The following KIRREL3 variants were observed in gnomAD, a reference collection of about 807,000 sequenced individuals.
KIRREL3 encodes kin of IRRE-like protein 3.
In KIRREL3, 36 loss-of-function variants were observed where a neutral mutation model predicts 89.7. The observed-to-expected ratio is 0.40, with a 90% confidence interval of 0.31 to 0.53. The LOEUF is 0.53. KIRREL3 is among the 20% of genes least tolerant of loss of function. The pLI, the probability that KIRREL3 is intolerant of heterozygous loss-of-function variation, is 0.49. For synonymous variants in KIRREL3, 445 were observed against 441.4 expected (o/e 1.01, Z -0.10); for missense variants, 864 against 1,056.6 (o/e 0.82, Z 2.53).
In KIRREL3 at chr11:126,817,288, T is replaced by C. The variant is rs1565322813; in HGVS notation, c.55+183167A>G. On this transcript the variant is annotated intron_variant, in intron 1 of 16. Coordinates refer to ENST00000525144, the MANE Select transcript of KIRREL3 (RefSeq NM_032531.4). This position sits in a 1 kb window ranked among gnomAD's most constrained non-coding sequence, Gnocchi z 5.7. ...AAAAGGAAGGAAATGAGGATTTGCC[T>C]GAGTCAGAATGAGTTTCCAAGGAAA... 6.6e-6 allele frequency among the ~76,000 whole-genome samples: 1 copy of C among 152,156 alleles called. No homozygotes were observed. The highest frequency in any genetic ancestry group is 6.5e-5 in the Admixed American group (1 of 15,280).
intron 2 of KIRREL3, among the ~76,000 whole-genome samples, chr11:126,533,060 G>A (rs377612484): frequency 6.6e-6 from 1 of 152,164 alleles, no homozygotes; most frequent in Admixed American, 6.5e-5. Flanking sequence ...TCGTGCCTCA[G>A]CCTTCCAAAG....
chr11:126,827,772 G>T (rs1447658327), intron 1 of KIRREL3, among the ~76,000 whole-genome samples: 1 of 152,142 alleles, frequency 6.6e-6, no homozygotes, highest in Admixed American at 6.5e-5. Context: ...GGGGTTCCAG[G>T]TATGGGAAGG....
chr11:126,537,620 G>A lies in KIRREL3; in HGVS notation c.134-10933C>T, dbSNP rs2134479049. 6.6e-6 allele frequency among the ~76,000 whole-genome samples: 1 copy of A among 152,320 alleles called. No homozygotes were observed. The highest frequency in any genetic ancestry group is 1.9e-4 in the East Asian group (1 of 5,188). On this transcript the variant is annotated intron_variant, in intron 2 of 16. Transcript: ENST00000525144. This position sits in a 1 kb window ranked among gnomAD's most constrained non-coding sequence, Gnocchi z 4.3. ...TCCTGGACAGTAGGAAGAACACAGGGTCAGTCAGCCCTAGGAAGGAACTCT... is the reference window on the plus strand; with the variant it reads ...TCCTGGACAGTAGGAAGAACACAGGATCAGTCAGCCCTAGGAAGGAACTCT...
Position 126,425,081 on chromosome 11 carries a change from G to A in KIRREL3, c.1894-58C>T, listed in dbSNP as rs529188844. 20 of 1,423,322 alleles carry A rather than the reference G, an allele frequency of 1.4e-5. No homozygotes were observed. The African/African-American group carries it at 2.4e-4, about 17-fold the overall frequency. 88.2% of individuals were successfully genotyped at this position (1,423,322 alleles called of 1,614,324 possible). On this transcript the variant is annotated intron_variant, in intron 16 of 16. Transcript: ENST00000525144. Reference sequence around the variant, plus strand: ...GGTGGAGTCTCCACTGAGCGTGGCTGGGGTTTCCAGGCTGAGCCCGTCCCC... The same window carrying A: ...GGTGGAGTCTCCACTGAGCGTGGCTAGGGTTTCCAGGCTGAGCCCGTCCCC...
chr11:126,500,024 C>T (rs1011456048), intron 4 of KIRREL3, among the ~76,000 whole-genome samples: 15 of 152,132 alleles, frequency 9.9e-5, no homozygotes, highest in African/African-American at 2.4e-4. Flanking sequence ...GAAGGATAAA[C>T]GAGTGAATGT....
chr11:126,572,401 A>G (rs975388750), intron 1 of KIRREL3, among the ~76,000 whole-genome samples: 2 of 152,240 alleles, frequency 1.3e-5, no homozygotes, highest in East Asian at 1.9e-4. Flanking sequence ...GGCTCAGGGA[A>G]GCCAAGCAAT....
rs1353944759 is a variant in KIRREL3, at chr11:126,489,918, T to C, written c.434-16452A>G. On this transcript the variant is annotated intron_variant, in intron 4 of 16. Transcript: ENST00000525144. The surrounding 1 kb of genome is among the most constrained non-coding windows in gnomAD (Gnocchi z 5.5). ...CAGTCCGGGTTAAAATACGTGGGTC[T>C]CAGCTCAGATCTCCATCCCTGGCAC... is the stretch of plus-strand genomic sequence containing the variant. Among the ~76,000 whole-genome samples the C allele has an allele frequency of 6.6e-6, 1 of 152,162 alleles. No homozygotes were observed. Among genetic ancestry groups the C allele is most frequent in the Non-Finnish European group, 1.5e-5 (1 of 68,030 alleles).
At chr11:126,930,192 A>C (rs1296267510) in intron 1 of KIRREL3, among the ~76,000 whole-genome samples, 2 of 151,662 alleles carry the variant, frequency 1.3e-5, no homozygotes, top group Admixed American at 1.3e-4. Flanking sequence ...ATTTGCTTTG[A>C]GTACTGTAAC....
chr11:126,476,058 G>T lies in KIRREL3; in HGVS notation c.434-2592C>A, dbSNP rs1276726559. ...TGCCTGAGAGCAGAGGGTGGAGCAGGAAGCCCCTTCTCTCAGGGTGGCTTC... is the reference window on the plus strand; with the variant it reads ...TGCCTGAGAGCAGAGGGTGGAGCAGTAAGCCCCTTCTCTCAGGGTGGCTTC... On this transcript the variant is annotated intron_variant, in intron 4 of 16. Coordinates refer to ENST00000525144, the MANE Select transcript of KIRREL3 (RefSeq NM_032531.4). This position sits in a 1 kb window ranked among gnomAD's most constrained non-coding sequence, Gnocchi z 6.4. Among the ~76,000 whole-genome samples the T allele has an allele frequency of 1.3e-5, 2 of 152,200 alleles. No individual in the cohort carries two copies. The highest frequency in any genetic ancestry group is 4.8e-5 in the African/African-American group (2 of 41,456).
rs975082689 is a variant in KIRREL3 at position 126,897,577 on chromosome 11, A to G, written c.55+102878T>C. Among the ~76,000 whole-genome samples, 9 of 152,188 alleles carry G rather than the reference A, an allele frequency of 5.9e-5. No homozygotes were observed. Among genetic ancestry groups the G allele is most frequent in the Non-Finnish European group, 1.0e-4 (7 of 68,022 alleles). The stretch of plus-strand genomic sequence containing the variant: ...AGGCACAGCATCCTCCTGTTTGTAT[A>G]TAGCAGACCATTAGGGTATTTTTAT... On this transcript the variant is annotated intron_variant, in intron 1 of 16. Transcript: ENST00000525144. The surrounding 1 kb of genome is among the most constrained non-coding windows in gnomAD (Gnocchi z 4.2).
rs1249734754 is a variant in KIRREL3 at position 126,755,101 on chromosome 11, G to C, written c.56-192189C>G. ...TTAGGCTTTAATCTCCAGCACTTTA[G>C]TAACCTCCTAGTTTGTTTTAAATCT... is the stretch of plus-strand genomic sequence containing the variant. On this transcript the variant is annotated intron_variant, in intron 1 of 16. Coordinates refer to ENST00000525144, the MANE Select transcript of KIRREL3 (RefSeq NM_032531.4). The surrounding 1 kb of genome is among the most constrained non-coding windows in gnomAD (Gnocchi z 4.3). Among the ~76,000 whole-genome samples the C allele has an allele frequency of 6.6e-6, 1 of 152,186 alleles. No individual in the cohort carries two copies. The highest frequency in any genetic ancestry group is 1.5e-5 in the Non-Finnish European group (1 of 68,038).
At chr11:126,465,281 C>A (rs565044593) in intron 5 of KIRREL3, among the ~76,000 whole-genome samples, 2 of 152,270 alleles carry the variant, frequency 1.3e-5, no homozygotes, top group South Asian at 4.1e-4. Context: ...TATGAGGGCC[C>A]CGGAAGACAG....
intron 1 of KIRREL3, among the ~76,000 whole-genome samples, chr11:126,922,736 C>A (rs1003864496): frequency 6.6e-6 from 1 of 152,098 alleles, no homozygotes; most frequent in Non-Finnish European, 1.5e-5. Flanking sequence ...ACAACAACAA[C>A]AACAACAACC....
rs548226440 is a variant in KIRREL3, at chr11:126,506,205, T to G, written c.433+15110A>C. Among the ~76,000 whole-genome samples the G allele has an allele frequency of 9.9e-5, 15 of 152,034 alleles. No homozygotes were observed. The East Asian group carries it at 2.9e-3, about 29-fold the overall frequency. On this transcript the variant is annotated intron_variant, in intron 4 of 16. Coordinates refer to ENST00000525144, the MANE Select transcript of KIRREL3 (RefSeq NM_032531.4). ...CTTTGTGACCTTTGATTAGGCAGAG[T>G]TCTTAGAGACAATATCAAAAACACA...
At chr11:126,542,320 T>A (rs1938434611) in intron 2 of KIRREL3, among the ~76,000 whole-genome samples, 1 of 152,200 alleles carries the variant, frequency 6.6e-6, no homozygotes, top group Non-Finnish European at 1.5e-5. Flanking sequence ...GTCCTGGGTT[T>A]CTCCCCTCTT....
intron 1 of KIRREL3, among the ~76,000 whole-genome samples, chr11:126,711,222 A>G (rs1947741512): frequency 6.6e-6 from 1 of 152,238 alleles, no homozygotes; most frequent in Non-Finnish European, 1.5e-5. Context: ...CAACATGACA[A>G]TCTCCATCCT....
rs530404308 is a variant in KIRREL3, at chr11:126,993,689, G to A, written c.55+6766C>T. On this transcript the variant is annotated intron_variant, in intron 1 of 16. Transcript: ENST00000525144. This position sits in a 1 kb window ranked among gnomAD's most constrained non-coding sequence, Gnocchi z 6.1. ...CTACTGCATAGGAGGCCCACAGTGA[G>A]TGCTGGCTGAGTGGTCAAGGGCTGA... is the stretch of plus-strand genomic sequence containing the variant. Among the ~76,000 whole-genome samples, 1 of 152,336 alleles carries A rather than the reference G, an allele frequency of 6.6e-6. No homozygotes were observed. The highest frequency in any genetic ancestry group is 6.5e-5 in the Admixed American group (1 of 15,304).
At position 126,622,667 on chromosome 11, in the gene KIRREL3, C is replaced by T. The variant is rs557893564; in HGVS notation, c.56-59755G>A. ...TCACGCCAGTGCACTCCAGCCTGGGCGACAAGAGCGAAACTCTGTCTCAAA... is the reference window on the plus strand; with the variant it reads ...TCACGCCAGTGCACTCCAGCCTGGGTGACAAGAGCGAAACTCTGTCTCAAA... On this transcript the variant is annotated intron_variant, in intron 1 of 16. Transcript: ENST00000525144. This position sits in a 1 kb window ranked among gnomAD's most constrained non-coding sequence, Gnocchi z 5.2. 1.2e-4 allele frequency among the ~76,000 whole-genome samples: 19 copies of T among 152,062 alleles called. No homozygotes were observed. Among genetic ancestry groups the T allele is most frequent in the Middle Eastern group, 3.4e-3 (1 of 294 alleles).
At position 126,611,939 on chromosome 11, in the gene KIRREL3, GTTCC is replaced by G. The variant is rs563546466; in HGVS notation, c.56-49031_56-49028del. Among the ~76,000 whole-genome samples the G allele has an allele frequency of 1.8e-4, 27 of 152,306 alleles. 1 individual carries two copies. In the South Asian group the frequency reaches 5.0e-3, roughly 28 times the overall value. On this transcript the variant is annotated intron_variant, in intron 1 of 16. Transcript: ENST00000525144. This position sits in a 1 kb window ranked among gnomAD's most constrained non-coding sequence, Gnocchi z 4.7. Reference sequence around the variant, plus strand: ...GTGACTTTGTCCACGTGGATCTTCAGTTCCTTCAACATGTGTGCTTGTTGCCCCT... The same window carrying G: ...GTGACTTTGTCCACGTGGATCTTCAGTTCAACATGTGTGCTTGTTGCCCCT...
Sources: allele counts gnomAD v4.1 joint callset (sites outside exome capture counted in the v4.1 genomes callset), GRCh38; gene constraint gnomAD v4.1.1; non-coding constraint Gnocchi (gnomAD v3.1); transcripts MANE v1.5; gene names NCBI Gene and HGNC (gene_info 2026-07-23, HGNC 2026-07-21).